LRRTM3: variants seen among roughly 807,000 people sequenced by gnomAD.
The protein encoded by LRRTM3 is leucine rich repeat transmembrane neuronal 3.
In LRRTM3, 24 loss-of-function variants were observed where a neutral mutation model predicts 44.7. The ratio of observed to expected loss-of-function variants is 0.54; its 90% CI spans 0.39 to 0.76. The LOEUF (loss-of-function observed/expected upper bound fraction) is 0.76, where lower values mean the gene tolerates loss of function less well. Among genes scored for constraint, LRRTM3 ranks in the 30% least tolerant of loss-of-function variants. LRRTM3 has a pLI of 0.00. For synonymous variants in LRRTM3, 277 were observed against 278.7 expected (o/e 0.99, Z 0.06); for missense variants, 587 against 702.2 (o/e 0.84, Z 1.85).
intron 2 of LRRTM3, among the ~76,000 whole-genome samples, chr10:67,094,865 A>C (rs1857876911): frequency 6.6e-6 from 1 of 151,668 alleles, no homozygotes; most frequent in Admixed American, 6.6e-5. Context: ...GTATATATCC[A>C]TAGGTATGTA....
At chr10:67,002,213 T>C (rs1054342697) in intron 2 of LRRTM3, among the ~76,000 whole-genome samples, 1 of 152,132 alleles carries the variant, frequency 6.6e-6, no homozygotes, top group African/African-American at 2.4e-5. Context: ...AATGGGAAGC[T>C]TTTTCAAAAC....
intron 2 of LRRTM3, among the ~76,000 whole-genome samples, chr10:67,092,530 T>C (rs1018316735): frequency 6.6e-5 from 10 of 151,994 alleles, no homozygotes; most frequent in Non-Finnish European, 1.0e-4. Context: ...TTCATATGAA[T>C]GTTCATATAT....
intron 2 of LRRTM3, among the ~76,000 whole-genome samples, chr10:66,957,206 C>G (rs1315883577): frequency 6.6e-6 from 1 of 151,864 alleles, no homozygotes; most frequent in African/African-American, 2.4e-5. Context: ...AGATATCTCC[C>G]ACAGTCTGGC....
Position 66,928,066 on chromosome 10 carries a change from C to G in LRRTM3, c.1150C>G (p.Leu384Val). 6.2e-7 allele frequency: 1 copy of G among 1,614,066 alleles called. No homozygotes were observed. Among genetic ancestry groups the G allele is most frequent in the Non-Finnish European group, 8.5e-7 (1 of 1,180,038 alleles). Residue 384 changes from leucine to valine, a missense_variant, in exon 2 of 3, where the codon CTC becomes GTC. Physicochemically the swap from Leu to Val is conservative, Grantham distance 32 (BLOSUM62 1). Around this residue, in one of 3 missense-constraint regions of LRRTM3, gnomAD observed 315 missense variants for 335.6 expected, o/e 0.94. Coordinates refer to ENST00000361320, the MANE Select transcript of LRRTM3 (RefSeq NM_178011.5). ...CCCAAAGCCGACGTTTAAGCCCAAG[C>G]TCCCCAGGCCGAAGCATGAGAGCAA... ...ALPKPTFKPKLPRPKHESKPP... is the reference protein window; with the variant it reads ...ALPKPTFKPKVPRPKHESKPP...
At chr10:67,029,767 T>C (rs1460329815) in intron 2 of LRRTM3, among the ~76,000 whole-genome samples, 2 of 152,220 alleles carry the variant, frequency 1.3e-5, no homozygotes, top group Admixed American at 1.3e-4. Context: ...AATCAATACC[T>C]GTGATGTCCA....
chr10:67,035,066 G>A (rs1279453431), intron 2 of LRRTM3, among the ~76,000 whole-genome samples: 3 of 152,188 alleles, frequency 2.0e-5, no homozygotes, highest in Non-Finnish European at 4.4e-5. Flanking sequence ...TATGAATACT[G>A]ATAGCTCCGC....
chr10:66,975,182 G>T (rs913843971), intron 2 of LRRTM3, among the ~76,000 whole-genome samples: 3 of 152,132 alleles, frequency 2.0e-5, no homozygotes, highest in Non-Finnish European at 4.4e-5. Flanking sequence ...TTCTGCAATT[G>T]ATAGCTAGCT....
chr10:66,967,347 G>T (rs78652892), intron 2 of LRRTM3, among the ~76,000 whole-genome samples: 103 of 87,484 alleles, frequency 1.2e-3, no homozygotes, highest in Middle Eastern at 7.7e-3. Flanking sequence ...TATATATATA[G>T]ATAGATAGAT....
rs1444560636 is a variant in LRRTM3 at position 67,100,565 on chromosome 10, C to G, written c.*2769C>G. ...TTTGATAATCTCCCATTTCCTCCTT[C>G]TAACCCCCATTCCTATGTCTCCCTT... is the stretch of plus-strand genomic sequence containing the variant. On this transcript the variant is annotated 3_prime_UTR_variant, in exon 3 of 3. Coordinates refer to ENST00000361320, the MANE Select transcript of LRRTM3 (RefSeq NM_178011.5). 6.6e-6 allele frequency among the ~76,000 whole-genome samples: 1 copy of G among 151,656 alleles called. No individual in the cohort carries two copies. Among genetic ancestry groups the G allele is most frequent in the African/African-American group, 2.4e-5 (1 of 41,360 alleles).
chr10:67,070,417 T>C (rs1856373882), intron 2 of LRRTM3, among the ~76,000 whole-genome samples: 1 of 152,104 alleles, frequency 6.6e-6, no homozygotes, highest in African/African-American at 2.4e-5. Flanking sequence ...AACCAATCTC[T>C]CTCTATATAT....
In LRRTM3 at chr10:67,016,391, A is replaced by T. The variant is rs533617799; in HGVS notation, c.1537-81196A>T. ...TCGTTTCTTTTTGTTTGTTTGTTTT[A>T]TTTAAGGAGTTTGCATGGATCACAG... is the stretch of plus-strand genomic sequence containing the variant. On this transcript the variant is annotated intron_variant, in intron 2 of 2. Transcript: ENST00000361320. 7.2e-5 allele frequency among the ~76,000 whole-genome samples: 11 copies of T among 152,154 alleles called. No individual in the cohort carries two copies. In the East Asian group the frequency reaches 1.5e-3, roughly 21 times the overall value.
chr10:66,976,712 C>T (rs1200912784), intron 2 of LRRTM3, among the ~76,000 whole-genome samples: 1 of 152,186 alleles, frequency 6.6e-6, no homozygotes, highest in Non-Finnish European at 1.5e-5. Flanking sequence ...TTCGTCAATA[C>T]AATTTTATTC....
intron 2 of LRRTM3, among the ~76,000 whole-genome samples, chr10:66,935,900 C>A (rs1448163155): frequency 1.3e-5 from 2 of 151,922 alleles, no homozygotes; most frequent in African/African-American, 4.8e-5. Flanking sequence ...ATAATTTATA[C>A]CCCACCCACA....
At chr10:66,989,223 A>G (rs1323184783) in intron 2 of LRRTM3, among the ~76,000 whole-genome samples, 1 of 152,082 alleles carries the variant, frequency 6.6e-6, no homozygotes, top group African/African-American at 2.4e-5. Context: ...ACTGTAGCAG[A>G]GGGCCCTCCT....
At chr10:66,978,061 TATATATAC>T (rs1564807962) in intron 2 of LRRTM3, among the ~76,000 whole-genome samples, 50 of 19,746 alleles carry the variant, frequency 2.5e-3, no homozygotes, top group Admixed American at 0.012. Context: ...CACATATATA[TATATATAC>T]ACACACACAC....
intron 2 of LRRTM3, among the ~76,000 whole-genome samples, chr10:66,994,207 G>A (rs1416989188): frequency 2.6e-5 from 4 of 152,082 alleles, no homozygotes; most frequent in Non-Finnish European, 4.4e-5. Flanking sequence ...AACTACCCAG[G>A]TACTCCAGTG....
intron 2 of LRRTM3, among the ~76,000 whole-genome samples, chr10:67,053,662 A>G (rs1307810706): frequency 2.0e-5 from 3 of 152,188 alleles, no homozygotes; most frequent in Non-Finnish European, 4.4e-5. Flanking sequence ...CTACCAGTCA[A>G]TATCTTTGAG....
chr10:66,926,376 G>A lies in LRRTM3; in HGVS notation c.-208G>A. On this transcript the variant is annotated 5_prime_UTR_variant, in exon 1 of 3. The change creates a new upstream start codon in the 5' untranslated region. Coordinates refer to ENST00000361320, the MANE Select transcript of LRRTM3 (RefSeq NM_178011.5). The stretch of plus-strand genomic sequence containing the variant: ...ATTTTGATGTTTTGCTGCGAATGCG[G>A]TGTTGGGATTTATTTGTTCTTGGAG... 4.6e-6 allele frequency: 3 copies of A among 658,064 alleles called. No individual in the cohort carries two copies. The highest frequency in any genetic ancestry group is 8.2e-6 in the Non-Finnish European group (3 of 365,420). 40.8% of individuals were successfully genotyped at this position (658,064 alleles called of 1,614,324 possible).
intron 2 of LRRTM3, among the ~76,000 whole-genome samples, chr10:66,939,810 C>T (rs990850196): frequency 1.3e-5 from 2 of 152,112 alleles, no homozygotes; most frequent in Non-Finnish European, 2.9e-5. Flanking sequence ...CTTTTGAGAA[C>T]CTTGCAGTCC....
Sources: gnomAD v4.1 joint callset for allele counts (sites outside exome capture counted in the v4.1 genomes callset) on GRCh38, gnomAD v4.1.1 for gene constraint, gnomAD v4.1.1 regional missense constraint, MANE v1.5 for transcripts, NCBI Gene and HGNC (gene_info 2026-07-23, HGNC 2026-07-21) for gene names.